NAALADL2: variants seen among roughly 807,000 people sequenced by gnomAD.
NAALADL2 encodes inactive N-acetylated-alpha-linked acidic dipeptidase-like protein 2.
Under a neutral mutation model 87.2 loss-of-function variants are expected in NAALADL2, and 76 were observed. The observed-to-expected ratio is 0.87, with a 90% CI of 0.72 to 1.05. The LOEUF is 1.05. NAALADL2 is among the 50% of genes least tolerant of loss of function. The probability of loss-of-function intolerance (pLI) is 0.00; values close to 1 mark genes in which losing one functional copy is unlikely to be tolerated. For missense variants in NAALADL2, 1,089 were observed against 945.8 expected, an observed-to-expected ratio of 1.15 and a Z score of -1.99; for synonymous variants, 354 against 331.0, an observed-to-expected ratio of 1.07 and a Z score of -0.75.
chr3:174,826,175 A>C (rs977588640), intron 3 of NAALADL2, among the ~76,000 whole-genome samples: 1 of 152,224 alleles, frequency 6.6e-6, no homozygotes, highest in Non-Finnish European at 1.5e-5. Context: ...TATTACAATG[A>C]GTACTTACTT....
intron 1 of NAALADL2, among the ~76,000 whole-genome samples, chr3:174,516,039 T>C (rs948698186): frequency 6.6e-6 from 1 of 151,846 alleles, no homozygotes; most frequent in African/African-American, 2.4e-5. Flanking sequence ...TGCCATAAAG[T>C]ATTTATTGTT....
At chr3:174,586,477 C>CCTT (rs1446247771) in intron 2 of NAALADL2, among the ~76,000 whole-genome samples, 7 of 152,164 alleles carry the variant, frequency 4.6e-5, no homozygotes, top group Non-Finnish European at 1.0e-4. Context: ...GACCCAGAAC[C>CCTT]AGCGACGAGA....
At chr3:175,061,432 A>G (rs959747877) in intron 1 of NAALADL2, among the ~76,000 whole-genome samples, 1 of 152,176 alleles carries the variant, frequency 6.6e-6, no homozygotes, top group Non-Finnish European at 1.5e-5. Flanking sequence ...TTGCTGTTAC[A>G]TGTGCTGGAT....
At chr3:174,640,676 C>G (rs559919965) in intron 2 of NAALADL2, among the ~76,000 whole-genome samples, 1 of 152,300 alleles carries the variant, frequency 6.6e-6, no homozygotes, top group African/African-American at 2.4e-5. Context: ...GCCCTCGGGG[C>G]CTTTTTGCCT....
chr3:174,790,924 T>C (rs911410555), intron 3 of NAALADL2, among the ~76,000 whole-genome samples: 2 of 152,158 alleles, frequency 1.3e-5, no homozygotes, highest in African/African-American at 2.4e-5. Flanking sequence ...GAAACAAAAA[T>C]ACAATCGGAA....
intron 11 of NAALADL2, among the ~76,000 whole-genome samples, chr3:175,697,393 GCACACAGACA>G (rs1737955147): frequency 9.2e-6 from 1 of 108,800 alleles, no homozygotes; most frequent in African/African-American, 4.3e-5. Context: ...TGCTAAAGCT[GCACACAGACA>G]CACACACACA....
intron 2 of NAALADL2, among the ~76,000 whole-genome samples, chr3:175,229,674 A>C (rs921047958): frequency 6.6e-6 from 1 of 151,994 alleles, no homozygotes; most frequent in Non-Finnish European, 1.5e-5. Flanking sequence ...CCAACACTTA[A>C]TACTATCACC....
chr3:175,177,281 T>G (rs917424933), intron 2 of NAALADL2, among the ~76,000 whole-genome samples: 1 of 152,128 alleles, frequency 6.6e-6, no homozygotes, highest in Non-Finnish European at 1.5e-5. Context: ...TGCTTGTAAT[T>G]TATAAAGCTG....
intron 11 of NAALADL2, among the ~76,000 whole-genome samples, chr3:175,643,270 T>A (rs554677617): frequency 7.2e-5 from 11 of 152,352 alleles, no homozygotes; most frequent in African/African-American, 2.6e-4. Flanking sequence ...TACCTATTGT[T>A]CTACTGTTGA....
chr3:175,258,074 C>T (rs1198786475), intron 4 of NAALADL2, among the ~76,000 whole-genome samples: 5 of 151,888 alleles, frequency 3.3e-5, no homozygotes, highest in Non-Finnish European at 7.4e-5. Context: ...TTCTGGAGGC[C>T]GAGGTGGGCA....
At chr3:175,383,690 A>G (rs1768045656) in intron 5 of NAALADL2, among the ~76,000 whole-genome samples, 1 of 152,038 alleles carries the variant, frequency 6.6e-6, no homozygotes, top group Non-Finnish European at 1.5e-5. Context: ...GGGAAAAAAA[A>G]TGTTCTTCCT....
intron 13 of NAALADL2, among the ~76,000 whole-genome samples, chr3:175,802,090 T>C (rs1052402757): frequency 6.6e-6 from 1 of 152,102 alleles, no homozygotes; most frequent in Non-Finnish European, 1.5e-5. Flanking sequence ...CCTCCAAATA[T>C]CTGAAGCAAA....
intron 5 of NAALADL2, among the ~76,000 whole-genome samples, chr3:175,381,294 A>G (rs1316131222): frequency 6.6e-6 from 1 of 151,556 alleles, no homozygotes; most frequent in Non-Finnish European, 1.5e-5. Context: ...TCTATCTGAC[A>G]ATTTAAACTT....
chr3:175,070,320 C>T (rs1380596480), intron 1 of NAALADL2, among the ~76,000 whole-genome samples: 1 of 147,712 alleles, frequency 6.8e-6, no homozygotes, highest in Non-Finnish European at 1.5e-5. Flanking sequence ...ATTATTAGAC[C>T]TTGTGGTGAT....
At chr3:175,247,814 G>C (rs1748262502) in intron 3 of NAALADL2, among the ~76,000 whole-genome samples, 1 of 152,218 alleles carries the variant, frequency 6.6e-6, no homozygotes, top group African/African-American at 2.4e-5. Context: ...TGAAGTCATA[G>C]AGCAGTATGA....
intron 1 of NAALADL2, among the ~76,000 whole-genome samples, chr3:174,894,140 A>C (rs993381902): frequency 6.6e-5 from 10 of 152,218 alleles, no homozygotes; most frequent in African/African-American, 2.4e-5. Context: ...TTAATTCAGC[A>C]AGATGATACA....
At chr3:175,505,266 G>GAAA (rs11295985) in intron 9 of NAALADL2, among the ~76,000 whole-genome samples, 1 of 130,284 alleles carries the variant, frequency 7.7e-6, no homozygotes. Flanking sequence ...CCTGTCTCGA[G>GAAA]AAAAAAAAAA....
At chr3:175,274,442 C>G (rs1186733355) in intron 4 of NAALADL2, among the ~76,000 whole-genome samples, 3 of 152,200 alleles carry the variant, frequency 2.0e-5, no homozygotes, top group Non-Finnish European at 4.4e-5. Context: ...ACATTTCAAA[C>G]TTTAATGTCA....
chr3:174,682,151 C>G (rs1246495718), intron 2 of NAALADL2, among the ~76,000 whole-genome samples: 1 of 152,178 alleles, frequency 6.6e-6, no homozygotes, highest in Non-Finnish European at 1.5e-5. Flanking sequence ...AGGACTTTGT[C>G]TTGCAAAGTG....
Sources: gnomAD v4.1 joint callset for allele counts (sites outside exome capture counted in the v4.1 genomes callset) on GRCh38, gnomAD v4.1.1 for gene constraint, MANE v1.5 for transcripts, NCBI Gene and HGNC (gene_info 2026-07-23, HGNC 2026-07-21) for gene names.